ACOT12: variants seen among roughly 807,000 people sequenced by gnomAD.
ACOT12 encodes the protein acetyl-coenzyme A thioesterase.
Under a neutral mutation model 67.7 loss-of-function variants are expected in ACOT12, and 51 were observed. That is an observed-to-expected ratio of 0.75 (90% CI 0.60 to 0.95). The LOEUF (loss-of-function observed/expected upper bound fraction) is 0.95. Ranked by LOEUF, ACOT12 falls within the 40% of genes least tolerant of loss-of-function variation. The pLI is 0.00. For missense variants in ACOT12, 734 were observed against 708.1 expected, an observed-to-expected ratio of 1.04 and a Z score of -0.41; for synonymous variants, 251 against 244.6, an observed-to-expected ratio of 1.03 and a Z score of -0.24.
the ACOT12 span, among the ~76,000 whole-genome samples, chr5:81,311,889 A>G: frequency 1.7e-4 from 26 of 152,216 alleles, no homozygotes; most frequent in Non-Finnish European, 3.2e-4. Flanking sequence ...TCCTATGTGA[A>G]GGAAAGCAAG....
At chr5:81,333,903 C>T (rs1343377703) in intron 12 of ACOT12, among the ~76,000 whole-genome samples, 2 of 152,126 alleles carry the variant, frequency 1.3e-5, no homozygotes, top group East Asian at 3.9e-4. Context: ...ACCTTTTGGC[C>T]CACTGCACCC....
At chr5:81,384,860 G>C (rs1408722027) in intron 2 of ACOT12, among the ~76,000 whole-genome samples, 1 of 152,162 alleles carries the variant, frequency 6.6e-6, no homozygotes, top group Non-Finnish European at 1.5e-5. Context: ...ATAGCTAGGG[G>C]TGAAGGGTCC....
At chr5:81,345,275 A>G (rs1759345595) in intron 7 of ACOT12, among the ~76,000 whole-genome samples, 1 of 152,074 alleles carries the variant, frequency 6.6e-6, no homozygotes, top group Admixed American at 6.5e-5. Context: ...TTACTTCCCC[A>G]CTTTCAAGTG....
chr5:81,344,278 T>C, intron 8 of ACOT12, 63 bp from the exon 9 acceptor site: 2 of 1,511,954 alleles, frequency 1.3e-6, no homozygotes, highest in Non-Finnish European at 1.8e-6. Flanking sequence ...CTTAGTGCTA[T>C]AATCCTTAAG....
intron 1 of ACOT12, among the ~76,000 whole-genome samples, chr5:81,387,424 T>G (rs1760758597): frequency 6.6e-6 from 1 of 152,210 alleles, no homozygotes; most frequent in Non-Finnish European, 1.5e-5. Context: ...AAAGAATACT[T>G]AATAAACATT....
chr5:81,321,022 CA>C, the ACOT12 span, among the ~76,000 whole-genome samples: 12,810 of 152,082 alleles, frequency 0.084, 645 homozygotes, highest in Admixed American at 0.12. Flanking sequence ...CTGGGAGGCC[CA>C]GGTGGGTGGA....
chr5:81,344,729 G>T (rs1359663732), intron 8 of ACOT12, among the ~76,000 whole-genome samples, 162 bp downstream of exon 8: 1 of 152,180 alleles, frequency 6.6e-6, no homozygotes, highest in East Asian at 1.9e-4. Flanking sequence ...AGAGTGATCG[G>T]GGGGAAAAGG....
At position 81,344,158 on chromosome 5, in the gene ACOT12, AC is replaced by A. The variant is rs1305368696; in HGVS notation, c.980+1del. ...AAAATCATTACACCTTATGTTCCTT[AC>A]CTGCCTAGGCGAATTCGCTTGCGTG... On this transcript the variant is annotated splice_donor_variant, in intron 9 of 14. Transcript: ENST00000307624. LOFTEE classifies it high-confidence loss of function. The A allele has an allele frequency of 2.5e-6, 4 of 1,613,658 alleles. No homozygotes were observed. In the East Asian group the frequency reaches 8.9e-5, roughly 36 times the overall value.
the ACOT12 span, chr5:81,312,667 A>G: frequency 6.3e-7 from 1 of 1,594,604 alleles, no homozygotes. Flanking sequence ...TTTTGATAAC[A>G]GCTAGCACTA....
chr5:81,390,991 G>A (rs926562572), intron 1 of ACOT12, among the ~76,000 whole-genome samples: 14 of 152,170 alleles, frequency 9.2e-5, no homozygotes, highest in African/African-American at 3.4e-4. Flanking sequence ...TGTAGAAACT[G>A]TGTTTCTCTG....
At chr5:81,309,240 A>G in the ACOT12 span, 1 of 441,766 alleles carries the variant, frequency 2.3e-6, no homozygotes, top group African/African-American at 2.0e-5. Flanking sequence ...AAATCAGAAA[A>G]AACTAAGGTG....
chr5:81,322,383 G>A, the ACOT12 span, among the ~76,000 whole-genome samples: 1 of 151,716 alleles, frequency 6.6e-6, no homozygotes, highest in Non-Finnish European at 1.5e-5. Context: ...TATTATTCCG[G>A]AAGGCGGAAG....
At chr5:81,331,669 G>A (rs181574014) in intron 13 of ACOT12, among the ~76,000 whole-genome samples, 51 of 152,222 alleles carry the variant, frequency 3.4e-4, no homozygotes, top group African/African-American at 1.1e-3. Flanking sequence ...AAGTGAACAC[G>A]CTTAACATTT....
At chr5:81,343,686 C>T in intron 10 of ACOT12, 132 bp downstream of exon 10, 2 of 841,352 alleles carry the variant, frequency 2.4e-6, no homozygotes, top group South Asian at 1.8e-5. Context: ...TTCATCTTGA[C>T]ATGACTGGCT....
chr5:81,376,616 A>G (rs1295432457), intron 2 of ACOT12, among the ~76,000 whole-genome samples: 1 of 152,156 alleles, frequency 6.6e-6, no homozygotes, highest in African/African-American at 2.4e-5. Context: ...AAGAAAAGAG[A>G]GAAGAACCAA....
chr5:81,309,192 G>A, the ACOT12 span: 7 of 524,594 alleles, frequency 1.3e-5, no homozygotes, highest in African/African-American at 1.2e-4. Context: ...ATATGTACTA[G>A]GCTTTTTGTG....
intron 2 of ACOT12, among the ~76,000 whole-genome samples, chr5:81,381,374 T>C (rs559167109): frequency 1.3e-5 from 2 of 152,198 alleles, no homozygotes; most frequent in East Asian, 3.9e-4. Context: ...CGGCCAGTAT[T>C]AAAATCTTAT....
At chr5:81,337,107 C>G (rs1398459238) in intron 11 of ACOT12, among the ~76,000 whole-genome samples, 5 of 152,114 alleles carry the variant, frequency 3.3e-5, no homozygotes, top group Non-Finnish European at 7.4e-5. Flanking sequence ...AACTTTGCCC[C>G]CAGCACAGGG....
intron 4 of ACOT12, among the ~76,000 whole-genome samples, chr5:81,360,461 T>C (rs914432770): frequency 1.3e-5 from 2 of 152,172 alleles, no homozygotes; most frequent in Admixed American, 1.3e-4. Context: ...AGAGAGGGAA[T>C]AAAGATGTTC....
Sources: gnomAD v4.1 joint callset for allele counts (sites outside exome capture counted in the v4.1 genomes callset) on GRCh38, gnomAD v4.1.1 for gene constraint, MANE v1.5 for transcripts, NCBI Gene and HGNC (gene_info 2026-07-23, HGNC 2026-07-21) for gene names.